Variants in UBE2K observed in about 807,000 individuals in gnomAD.
UBE2K encodes the protein ubiquitin-conjugating enzyme E2 K.
A neutral mutation model predicts 30.0 loss-of-function variants in UBE2K; 6 were observed. The ratio of observed to expected loss-of-function variants is 0.20; its 90% CI spans 0.11 to 0.39. The LOEUF is 0.39. Among genes scored for constraint, UBE2K ranks in the 10% least tolerant of loss-of-function variants. The pLI is 1.00. For synonymous variants in UBE2K, 86 were observed against 83.7 expected (o/e 1.03, Z -0.15); for missense variants, 61 against 241.6 (o/e 0.25, Z 4.96).
intron 4 of UBE2K, among the ~76,000 whole-genome samples, chr4:39,772,691 C>CT (rs372017743): frequency 0.31 from 45,600 of 145,490 alleles, 8,490 homozygotes; most frequent in African/African-American, 0.54. Context: ...GATAAAGCAA[C>CT]TTTTTTTTTT....
chr4:39,772,096 C>G (rs1035354479), intron 4 of UBE2K, among the ~76,000 whole-genome samples: 14 of 152,138 alleles, frequency 9.2e-5, no homozygotes, highest in Admixed American at 8.5e-4. Flanking sequence ...CTCGGCCTTC[C>G]TAAATGCTGG....
At chr4:39,766,779 T>C (rs1712367638) in intron 4 of UBE2K, among the ~76,000 whole-genome samples, 1 of 152,174 alleles carries the variant, frequency 6.6e-6, no homozygotes, top group African/African-American at 2.4e-5. Flanking sequence ...AGACAGAGTC[T>C]CGCTCTGTCG....
chr4:39,761,550 C>T lies in UBE2K; in HGVS notation c.299+5811C>T, dbSNP rs142535497. On this transcript the variant is annotated intron_variant, in intron 4 of 6. Coordinates refer to ENST00000261427, the MANE Select transcript of UBE2K (RefSeq NM_005339.5). ...TGAGACTTGAGCAAAATTTATTTACCGGACATAGATTTATGAGGTACTGAT... is the reference window on the plus strand; with the variant it reads ...TGAGACTTGAGCAAAATTTATTTACTGGACATAGATTTATGAGGTACTGAT... Among the ~76,000 whole-genome samples, 91 of 152,182 alleles carry T rather than the reference C, an allele frequency of 6.0e-4. No homozygotes were observed. In the East Asian group the frequency reaches 0.014, roughly 24 times the overall value.
At chr4:39,743,263 A>G (rs1481642806) in intron 2 of UBE2K, among the ~76,000 whole-genome samples, 1 of 152,148 alleles carries the variant, frequency 6.6e-6, no homozygotes, top group South Asian at 2.1e-4. Context: ...TTCCTAGCAC[A>G]CAGTTTTTTA....
rs191096636 is a variant in UBE2K, at chr4:39,778,293, G to T, written c.529-67G>T. On this transcript the variant is annotated intron_variant, in intron 6 of 6. Transcript: ENST00000261427. ...GGTGTTAATTCCCAGTATAAAGAGT[G>T]AATGATTCAGTATTGTTTAAATGTT... 13 of 1,030,578 alleles carry T rather than the reference G, an allele frequency of 1.3e-5. No homozygotes were observed. The East Asian group carries it at 3.2e-4, about 25-fold the overall frequency. 63.8% of individuals were successfully genotyped at this position (1,030,578 alleles called of 1,614,324 possible).
intron 4 of UBE2K, chr4:39,771,509 C>A (rs1712839855): frequency 7.0e-7 from 1 of 1,433,588 alleles, no homozygotes; most frequent in East Asian, 2.5e-5. Context: ...TCCCCACCCC[C>A]GCGGGGCCGG....
chr4:39,777,618 G>C, intron 5 of UBE2K, 64 bp from the exon 6 acceptor site: 3 of 1,396,170 alleles, frequency 2.1e-6, no homozygotes, highest in Non-Finnish European at 2.9e-6. Flanking sequence ...AGGCGATTAA[G>C]AGCTGAAATA....
chr4:39,708,127 G>A (rs1434871454), intron 1 of UBE2K, among the ~76,000 whole-genome samples: 6 of 151,686 alleles, frequency 4.0e-5, no homozygotes, highest in African/African-American at 1.2e-4. Flanking sequence ...CTCGAACTCC[G>A]GGACTCAGGT....
At chr4:39,698,510 T>A (rs1241784755) in intron 1 of UBE2K, 120 bp downstream of exon 1, 7 of 884,020 alleles carry the variant, frequency 7.9e-6, no homozygotes, top group Non-Finnish European at 1.1e-5. Flanking sequence ...CCCTTCTGCC[T>A]GTGAGGAAGC....
chr4:39,704,562 AAC>A (rs1263338759), intron 1 of UBE2K, among the ~76,000 whole-genome samples: 3 of 151,914 alleles, frequency 2.0e-5, no homozygotes, highest in Admixed American at 2.0e-4. Context: ...TTATTTTTGA[AAC>A]AGAGTCTCAC....
At chr4:39,716,781 T>A (rs1719089393) in intron 1 of UBE2K, among the ~76,000 whole-genome samples, 1 of 152,062 alleles carries the variant, frequency 6.6e-6, no homozygotes, top group South Asian at 2.1e-4. Flanking sequence ...GTGGATTGCC[T>A]GAGCTCAGGA....
At chr4:39,772,527 A>T (rs1712959397) in intron 4 of UBE2K, among the ~76,000 whole-genome samples, 1 of 151,918 alleles carries the variant, frequency 6.6e-6, no homozygotes, top group Non-Finnish European at 1.5e-5. Context: ...GTGAGCCTTG[A>T]TTGTACCACT....
chr4:39,732,976 T>A (rs1022669917), intron 1 of UBE2K, among the ~76,000 whole-genome samples: 2 of 148,142 alleles, frequency 1.4e-5, no homozygotes, highest in Non-Finnish European at 3.0e-5. Flanking sequence ...CTGCCTGGCC[T>A]AGCTGCTATA....
At chr4:39,708,940 C>G (rs535931625) in intron 1 of UBE2K, among the ~76,000 whole-genome samples, 18 of 141,886 alleles carry the variant, frequency 1.3e-4, no homozygotes, top group African/African-American at 4.7e-4. Flanking sequence ...TTTTTTTCCT[C>G]TTAGTATGAG....
chr4:39,735,944 A>G (rs561388403), intron 1 of UBE2K, among the ~76,000 whole-genome samples: 1 of 152,266 alleles, frequency 6.6e-6, no homozygotes, highest in East Asian at 1.9e-4. Context: ...GTTTTAAGTC[A>G]TGTATTGTTT....
chr4:39,757,007 T>TTTTG (rs746812276), intron 4 of UBE2K, among the ~76,000 whole-genome samples: 6 of 117,614 alleles, frequency 5.1e-5, no homozygotes, highest in Non-Finnish European at 1.0e-4. Flanking sequence ...GGTGTTTTTT[T>TTTTG]TTTGTTTTTT....
chr4:39,715,317 C>T (rs373089446), intron 1 of UBE2K, among the ~76,000 whole-genome samples: 20 of 151,918 alleles, frequency 1.3e-4, no homozygotes, highest in Admixed American at 6.6e-5. Context: ...CGTGAGCCAC[C>T]GCGCCCGGCC....
intron 2 of UBE2K, among the ~76,000 whole-genome samples, chr4:39,744,442 T>A (rs1372359052): frequency 1.3e-5 from 2 of 150,220 alleles, no homozygotes; most frequent in Non-Finnish European, 3.0e-5. Flanking sequence ...AAAGTGCTGG[T>A]ATTACAGGCA....
intron 4 of UBE2K, among the ~76,000 whole-genome samples, chr4:39,772,719 G>A (rs146627696): frequency 4.8e-5 from 7 of 144,620 alleles, no homozygotes; most frequent in Admixed American, 1.4e-4. Flanking sequence ...ATGGAGTCTC[G>A]CTCTGTCGCC....
Sources: allele counts gnomAD v4.1 joint callset (sites outside exome capture counted in the v4.1 genomes callset), GRCh38; gene constraint gnomAD v4.1.1; transcripts MANE v1.5; gene names NCBI Gene and HGNC (gene_info 2026-07-23, HGNC 2026-07-21).